Variants in DAB1 observed in about 807,000 individuals in gnomAD.
The protein encoded by DAB1 is DAB adaptor protein 1, also known as disabled homolog 1.
Under a neutral mutation model 64.6 loss-of-function variants are expected in DAB1, and 15 were observed. That is an observed-to-expected ratio of 0.23 (90% CI 0.16 to 0.36). DAB1 has a LOEUF of 0.36. DAB1 is among the 10% of genes least tolerant of loss of function. The pLI is 1.00. For missense variants in DAB1, 596 were observed against 706.7 expected (o/e 0.84, Z 1.78); for synonymous variants, 235 against 251.9 (o/e 0.93, Z 0.64).
At chr1:57,539,030 T>G (rs948278312) in intron 7 of DAB1, among the ~76,000 whole-genome samples, 1 of 152,218 alleles carries the variant, frequency 6.6e-6, no homozygotes, top group Non-Finnish European at 1.5e-5. Flanking sequence ...TTGAGAACCT[T>G]GCACACCTCC....
intron 5 of DAB1, among the ~76,000 whole-genome samples, chr1:58,041,374 G>GAATATAC (rs770942196): frequency 2.3e-4 from 35 of 152,208 alleles, no homozygotes; most frequent in Non-Finnish European, 4.1e-4. Flanking sequence ...AAAACACTTG[G>GAATATAC]AATATACTAG....
chr1:57,389,095 C>T (rs1039560582), intron 1 of DAB1, among the ~76,000 whole-genome samples: 3 of 152,190 alleles, frequency 2.0e-5, no homozygotes, highest in Non-Finnish European at 4.4e-5. Context: ...ATGGGTGGAA[C>T]CTTGTCCTAT....
chr1:57,508,867 C>A (rs968842908), intron 7 of DAB1, among the ~76,000 whole-genome samples: 4 of 151,700 alleles, frequency 2.6e-5, no homozygotes, highest in Non-Finnish European at 5.9e-5. Flanking sequence ...TTTATATAAG[C>A]ATACACATAT....
intron 7 of DAB1, among the ~76,000 whole-genome samples, chr1:57,432,907 A>T (rs573331904): frequency 9.2e-5 from 14 of 151,420 alleles, no homozygotes; most frequent in African/African-American, 1.5e-4. Context: ...AAATAAATTC[A>T]GAGAGGTTAA....
intron 2 of DAB1, among the ~76,000 whole-genome samples, chr1:57,176,271 G>A (rs1662303532): frequency 6.6e-6 from 1 of 152,106 alleles, no homozygotes; most frequent in South Asian, 2.1e-4. Flanking sequence ...AATTGAAAGA[G>A]GTTTATTGCA....
intron 1 of DAB1, among the ~76,000 whole-genome samples, chr1:57,402,990 G>A (rs865941620): frequency 6.6e-6 from 1 of 152,146 alleles, no homozygotes; most frequent in East Asian, 1.9e-4. Context: ...GACCCAAGAA[G>A]GCTTCAAAGA....
intron 1 of DAB1, among the ~76,000 whole-genome samples, chr1:58,545,382 T>C (rs572111884): frequency 7.9e-5 from 12 of 152,334 alleles, no homozygotes; most frequent in Admixed American, 1.3e-4. Context: ...CCAAGTGTCG[T>C]TTTGAATAGA....
At chr1:58,292,083 G>A (rs1208515185) in intron 4 of DAB1, among the ~76,000 whole-genome samples, 2 of 152,112 alleles carry the variant, frequency 1.3e-5, no homozygotes, top group African/African-American at 4.8e-5. Flanking sequence ...GTGCTTGATT[G>A]GGGAAATTTT....
intron 2 of DAB1, among the ~76,000 whole-genome samples, chr1:57,249,753 T>C (rs1283565156): frequency 6.6e-6 from 1 of 152,214 alleles, no homozygotes; most frequent in African/African-American, 2.4e-5. Flanking sequence ...CCTAGAATGC[T>C]CTAGTGCTCT....
At chr1:57,983,486 C>T (rs754124566) in intron 5 of DAB1, among the ~76,000 whole-genome samples, 3 of 152,104 alleles carry the variant, frequency 2.0e-5, no homozygotes, top group Non-Finnish European at 4.4e-5. Flanking sequence ...AGCCTGGGCA[C>T]AGAACTGCCT....
chr1:57,785,254 G>T (rs895626974), intron 6 of DAB1, among the ~76,000 whole-genome samples: 2 of 152,118 alleles, frequency 1.3e-5, no homozygotes, highest in African/African-American at 4.8e-5. Context: ...CAAGAACTCT[G>T]ATGGATATGT....
At position 58,345,827 on chromosome 1, in the gene DAB1, A is replaced by G. The variant is rs150288334; in HGVS notation, n.258-2424T>C. 3.9e-5 allele frequency among the ~76,000 whole-genome samples: 6 copies of G among 152,210 alleles called. No homozygotes were observed. The South Asian group carries it at 6.2e-4, about 16-fold the overall frequency. On this transcript the variant is annotated intron_variant and non_coding_transcript_variant, in intron 3 of 20. Transcript: ENST00000485760. ...AGGCTCCTGCTAGGAGGTTCATTTCATCTATCAGTGCTGAGTTTCACCTCT... is the reference window on the plus strand; with the variant it reads ...AGGCTCCTGCTAGGAGGTTCATTTCGTCTATCAGTGCTGAGTTTCACCTCT...
At chr1:57,023,742 A>G (rs973719316) in intron 10 of DAB1, 103 bp from the exon 11 acceptor site, 9 of 737,482 alleles carry the variant, frequency 1.2e-5, no homozygotes, top group Admixed American at 8.1e-5. Context: ...GAAGGGGTCC[A>G]CAGTTCAAGC....
At chr1:57,971,591 C>CT (rs1208641242) in intron 5 of DAB1, among the ~76,000 whole-genome samples, 1 of 152,198 alleles carries the variant, frequency 6.6e-6, no homozygotes, top group African/African-American at 2.4e-5. Flanking sequence ...GATATTATCC[C>CT]ATCTCTATCA....
chr1:57,003,093 C>T (rs147395068), intron 14 of DAB1, among the ~76,000 whole-genome samples: 2 of 152,160 alleles, frequency 1.3e-5, no homozygotes, highest in African/African-American at 2.4e-5. Context: ...GATGAGCTCT[C>T]AGTTATTAAT....
At chr1:57,116,862 G>A (rs917928190) in intron 4 of DAB1, among the ~76,000 whole-genome samples, 3 of 152,166 alleles carry the variant, frequency 2.0e-5, no homozygotes, top group African/African-American at 7.2e-5. Flanking sequence ...GAATTAATAG[G>A]AGCACCATGG....
In DAB1 at chr1:57,148,093, C is replaced by T. The variant is rs145172708; in HGVS notation, c.68-2664G>A. Among the ~76,000 whole-genome samples, 1,012 of 152,318 alleles carry T rather than the reference C, an allele frequency of 6.6e-3. 4 individuals carry two copies. Among genetic ancestry groups the T allele is most frequent in the Non-Finnish European group, 0.011 (759 of 68,032 alleles). ...ACTCAATACATTGGCAGCATTAAAACTCCATGGAAGGATGGAGAGACAGCT... is the reference window on the plus strand; with the variant it reads ...ACTCAATACATTGGCAGCATTAAAATTCCATGGAAGGATGGAGAGACAGCT... On this transcript the variant is annotated intron_variant, in intron 2 of 14. Transcript: ENST00000371236.
At chr1:58,150,158 A>C (rs1654839891) in intron 5 of DAB1, among the ~76,000 whole-genome samples, 1 of 152,168 alleles carries the variant, frequency 6.6e-6, no homozygotes, top group South Asian at 2.1e-4. Context: ...AGAGGCTAAT[A>C]AACTTACTCA....
chr1:58,545,201 A>G (rs1375860051), intron 1 of DAB1, among the ~76,000 whole-genome samples: 1 of 152,196 alleles, frequency 6.6e-6, no homozygotes, highest in African/African-American at 2.4e-5. Flanking sequence ...CTCTATGTCT[A>G]TGCACATCTA....
Sources: allele counts gnomAD v4.1 joint callset (sites outside exome capture counted in the v4.1 genomes callset), GRCh38; gene constraint gnomAD v4.1.1; transcripts MANE v1.5; gene names NCBI Gene and HGNC (gene_info 2026-07-23, HGNC 2026-07-21).